DAB1: variants seen among roughly 807,000 people sequenced by gnomAD.
DAB1 encodes the protein disabled homolog 1.
In DAB1, 15 loss-of-function variants were observed where a neutral mutation model predicts 64.6. That is an observed-to-expected ratio of 0.23 (90% CI 0.16 to 0.36). The LOEUF is 0.36. DAB1 is among the 10% of genes least tolerant of loss of function. The pLI, the probability that DAB1 is intolerant of heterozygous loss-of-function variation, is 1.00. For synonymous variants in DAB1, 235 were observed against 251.9 expected, an observed-to-expected ratio of 0.93 and a Z score of 0.64; for missense variants, 596 against 706.7, an observed-to-expected ratio of 0.84 and a Z score of 1.78.
intron 4 of DAB1, among the ~76,000 whole-genome samples, chr1:57,092,474 G>T (rs1172801128): frequency 6.6e-6 from 1 of 151,956 alleles, no homozygotes; most frequent in Non-Finnish European, 1.5e-5. Context: ...TTTATAAACG[G>T]CAGTTTACCC....
intron 5 of DAB1, chr1:58,049,218 G>C: frequency 1.3e-6 from 1 of 767,632 alleles, no homozygotes; most frequent in Admixed American, 1.7e-5. Flanking sequence ...CTCATCAGTG[G>C]TGTCAAAGCT....
intron 5 of DAB1, among the ~76,000 whole-genome samples, chr1:58,130,843 G>T (rs976742664): frequency 3.3e-5 from 5 of 151,986 alleles, no homozygotes; most frequent in South Asian, 2.1e-4. Flanking sequence ...AGTCTGATGG[G>T]CTTCCCTTTG....
chr1:57,839,482 T>C (rs1208814654), intron 1 of DAB1, among the ~76,000 whole-genome samples: 1 of 152,246 alleles, frequency 6.6e-6, no homozygotes, highest in Non-Finnish European at 1.5e-5. Context: ...GTTCACCAGA[T>C]TTGTAGTCAA....
intron 4 of DAB1, among the ~76,000 whole-genome samples, chr1:57,081,880 AAAC>A (rs1652588750): frequency 2.0e-5 from 3 of 152,252 alleles, no homozygotes; most frequent in Non-Finnish European, 4.4e-5. Flanking sequence ...GCTATTAAAA[AAAC>A]AAGATTTTCA....
At chr1:58,052,534 T>C (rs1406981294) in intron 5 of DAB1, among the ~76,000 whole-genome samples, 1 of 152,240 alleles carries the variant, frequency 6.6e-6, no homozygotes, top group African/African-American at 2.4e-5. Flanking sequence ...GCAGGCTCTT[T>C]TTTGGTTCCA....
intron 2 of DAB1, among the ~76,000 whole-genome samples, chr1:57,258,567 T>C (rs1397324525): frequency 6.6e-6 from 1 of 152,156 alleles, no homozygotes; most frequent in African/African-American, 2.4e-5. Flanking sequence ...TGAGCTTTTC[T>C]CCCAAATCGC....
chr1:57,134,522 A>C (rs1657909261), intron 4 of DAB1, among the ~76,000 whole-genome samples: 1 of 112,540 alleles, frequency 8.9e-6, no homozygotes, highest in African/African-American at 3.2e-5. Context: ...TGGGAGGCGG[A>C]GGTTGTAGTG....
intron 7 of DAB1, among the ~76,000 whole-genome samples, chr1:57,556,225 G>T (rs1045812860): frequency 2.6e-5 from 4 of 152,124 alleles, no homozygotes; most frequent in African/African-American, 9.7e-5. Context: ...TGTGAATTGT[G>T]CTGCTGTAAA....
chr1:57,865,039 C>G (rs1408661343), intron 1 of DAB1: 1 of 152,154 alleles, frequency 6.6e-6, no homozygotes, highest in Admixed American at 6.6e-5. Flanking sequence ...ATCCCGTACA[C>G]TTGGAGGTGT....
chr1:57,874,147 C>T (rs1274777455), intron 1 of DAB1: 1 of 152,044 alleles, frequency 6.6e-6, no homozygotes, highest in African/African-American at 2.4e-5. Context: ...TCTGGAGAAA[C>T]CATGTCAAAG....
intron 5 of DAB1, among the ~76,000 whole-genome samples, chr1:58,000,956 A>T (rs1646498530): frequency 6.7e-6 from 1 of 149,762 alleles, no homozygotes; most frequent in African/African-American, 2.5e-5. Flanking sequence ...CTTTCTCTCA[A>T]ATTTGCTCTC....
intron 5 of DAB1, among the ~76,000 whole-genome samples, chr1:58,064,434 C>T (rs895780166): frequency 6.6e-6 from 1 of 151,382 alleles, no homozygotes; most frequent in Non-Finnish European, 1.5e-5. Flanking sequence ...TTCGAAGTGC[C>T]CATGTGAAGT....
intron 3 of DAB1, among the ~76,000 whole-genome samples, chr1:58,462,136 T>C (rs1421505423): frequency 1.5e-5 from 2 of 134,960 alleles, no homozygotes; most frequent in African/African-American, 6.0e-5. Flanking sequence ...TTTTTTTTTT[T>C]TGAGACGGAG....
At chr1:58,354,344 C>T (rs1168007418) in intron 3 of DAB1, among the ~76,000 whole-genome samples, 6 of 152,250 alleles carry the variant, frequency 3.9e-5, no homozygotes, top group Admixed American at 2.0e-4. Flanking sequence ...TATTATAAAA[C>T]ATGTAGCACA....
chr1:57,154,593 A>G lies in DAB1; in HGVS notation c.68-9164T>C, dbSNP rs955115648. Among the ~76,000 whole-genome samples, 12 of 152,226 alleles carry G rather than the reference A, an allele frequency of 7.9e-5. No individual in the cohort carries two copies. In the South Asian group the frequency reaches 2.5e-3, roughly 32 times the overall value. On this transcript the variant is annotated intron_variant, in intron 2 of 14. Transcript: ENST00000371236. ...GATTGCTAGATCATATTGTAGCTCTATTTCTAGTTTTTGAGGAACTTCCAA... is the reference window on the plus strand; with the variant it reads ...GATTGCTAGATCATATTGTAGCTCTGTTTCTAGTTTTTGAGGAACTTCCAA...
At chr1:58,112,496 C>A (rs1483591427) in intron 5 of DAB1, among the ~76,000 whole-genome samples, 2 of 152,170 alleles carry the variant, frequency 1.3e-5, no homozygotes, top group African/African-American at 4.8e-5. Context: ...TAATCCCAAA[C>A]CTGAGACTAT....
At chr1:57,629,135 T>A (rs1046411021) in intron 7 of DAB1, among the ~76,000 whole-genome samples, 2 of 152,228 alleles carry the variant, frequency 1.3e-5, no homozygotes, top group African/African-American at 4.8e-5. Context: ...CAGAAACTCA[T>A]ACAATTCTTA....
At chr1:57,493,300 C>T (rs980124365) in intron 7 of DAB1, among the ~76,000 whole-genome samples, 1 of 152,070 alleles carries the variant, frequency 6.6e-6, no homozygotes, top group African/African-American at 2.4e-5. Flanking sequence ...CTTCCTTCCT[C>T]CCCCCAGCCC....
chr1:58,105,401 A>G (rs1417531203), intron 5 of DAB1, among the ~76,000 whole-genome samples: 1 of 152,170 alleles, frequency 6.6e-6, no homozygotes, highest in Non-Finnish European at 1.5e-5. Context: ...TAGGGCCCCC[A>G]TGTGCTGGGT....
Sources: allele counts gnomAD v4.1 joint callset (sites outside exome capture counted in the v4.1 genomes callset), GRCh38; gene constraint gnomAD v4.1.1; transcripts MANE v1.5; gene names NCBI Gene and HGNC (gene_info 2026-07-23, HGNC 2026-07-21).